The following FSHR variants were observed in gnomAD, a reference collection of about 807,000 sequenced individuals.
The protein encoded by FSHR is follicle-stimulating hormone receptor.
FSHR carries 46 observed loss-of-function variants against 52.1 expected under a neutral mutation model. The ratio of observed to expected loss-of-function variants is 0.88; its 90% CI spans 0.70 to 1.13. FSHR has a LOEUF of 1.13. FSHR is among the 50% of genes most tolerant of loss of function. The pLI is 0.00. For missense variants in FSHR, 964 were observed against 834.6 expected (o/e 1.16, Z -1.91); for synonymous variants, 399 against 309.6 (o/e 1.29, Z -3.03).
intron 9 of FSHR, among the ~76,000 whole-genome samples, chr2:48,967,886 G>T (rs1674548452): frequency 6.6e-6 from 1 of 152,186 alleles, no homozygotes; most frequent in Admixed American, 6.5e-5. Flanking sequence ...GTAATGAAAA[G>T]ACATCATTTG....
chr2:49,028,550 G>T (rs1420551450), intron 2 of FSHR, among the ~76,000 whole-genome samples: 1 of 152,232 alleles, frequency 6.6e-6, no homozygotes, highest in Non-Finnish European at 1.5e-5. Context: ...GCATGGAATA[G>T]ATTGCTAACT....
chr2:49,074,344 A>G lies in FSHR; in HGVS notation c.153-6054T>C, dbSNP rs182168851. Among the ~76,000 whole-genome samples, 251 of 152,242 alleles carry G rather than the reference A, an allele frequency of 1.6e-3. 2 individuals carry two copies. Among genetic ancestry groups the G allele is most frequent in the Admixed American group, 0.014 (214 of 15,284 alleles). On this transcript the variant is annotated intron_variant, in intron 1 of 9. Transcript: ENST00000406846. ...GCAAAAAAACAACAAATCACCACCA[A>G]CAAAAAAGTTGATTAAGAAAATAAG...
chr2:48,997,166 A>G (rs1676060095), intron 4 of FSHR: 24 of 950,274 alleles, frequency 2.5e-5, no homozygotes, highest in Non-Finnish European at 3.0e-5. Flanking sequence ...ATAACACCAA[A>G]CAGTTCACTT....
Position 48,989,273 on chromosome 2 carries a change from C to CTTTTTTTTTT in FSHR, c.447-229_447-220dup, listed in dbSNP as rs70946840. The stretch of plus-strand genomic sequence containing the variant: ...AAATGGAATTGCAGACATTCAGTGT[C>CTTTTTTTTTT]TTTTTTTTTTTTTTTTTTTTTTTTT... On this transcript the variant is annotated intron_variant, in intron 5 of 9. Transcript: ENST00000406846. Among the ~76,000 whole-genome samples, 5 of 120,810 alleles carry CTTTTTTTTTT rather than the reference C, an allele frequency of 4.1e-5. No individual in the cohort carries two copies. In the South Asian group the frequency reaches 1.1e-3, roughly 26 times the overall value. The allele number at this position is 120,810 out of a possible 152,430, so 79.3% of individuals were successfully genotyped here. A position where few individuals can be genotyped will look rare whatever the true frequency, so the allele number is the denominator to read the frequency against.
chr2:49,131,571 GTTTC>G (rs1672278878), intron 1 of FSHR, among the ~76,000 whole-genome samples: 1 of 152,042 alleles, frequency 6.6e-6, no homozygotes, highest in Non-Finnish European at 1.5e-5. Context: ...ACCACATTTT[GTTTC>G]TTTCTACCTA....
intron 1 of FSHR, among the ~76,000 whole-genome samples, chr2:49,090,070 C>T (rs1287765747): frequency 2.0e-5 from 3 of 152,084 alleles, no homozygotes; most frequent in African/African-American, 7.2e-5. Context: ...TTAGTTCTCA[C>T]TACAGTGAAA....
chr2:49,064,298 C>G (rs1669424673), intron 2 of FSHR, among the ~76,000 whole-genome samples: 1 of 152,042 alleles, frequency 6.6e-6, no homozygotes, highest in African/African-American at 2.4e-5. Flanking sequence ...AATCTCCACT[C>G]CAACATTGGG....
At chr2:49,090,053 C>T (rs1429643170) in intron 1 of FSHR, among the ~76,000 whole-genome samples, 1 of 152,124 alleles carries the variant, frequency 6.6e-6, no homozygotes. Context: ...ATCACATGAT[C>T]TTGCTTTTAG....
At chr2:48,983,010 A>C in intron 7 of FSHR, 24 bp from the exon 8 acceptor site, 1 of 1,612,284 alleles carries the variant, frequency 6.2e-7, no homozygotes, top group Non-Finnish European at 8.5e-7. Flanking sequence ...TGAGGAAAGA[A>C]GAAGGAAAAC....
intron 2 of FSHR, among the ~76,000 whole-genome samples, chr2:49,066,574 C>T (rs142864600): frequency 1.4e-4 from 22 of 152,112 alleles, no homozygotes; most frequent in African/African-American, 5.3e-4. Flanking sequence ...TGGTGTATCG[C>T]TGTGCCAGTT....
intron 2 of FSHR, among the ~76,000 whole-genome samples, chr2:49,053,622 A>G (rs1297618802): frequency 1.3e-5 from 2 of 152,238 alleles, no homozygotes; most frequent in African/African-American, 2.4e-5. Flanking sequence ...AGTGATGCAG[A>G]TAAAAGCTAA....
chr2:49,094,390 C>A (rs1021882727), intron 1 of FSHR, among the ~76,000 whole-genome samples: 1 of 152,166 alleles, frequency 6.6e-6, no homozygotes, highest in African/African-American at 2.4e-5. Flanking sequence ...AGTTTACTGT[C>A]TTTACGCAGA....
At chr2:49,114,345 A>C (rs6735454) in intron 1 of FSHR, among the ~76,000 whole-genome samples, 8,003 of 152,210 alleles carry the variant, frequency 0.053, 693 homozygotes, top group African/African-American at 0.18. Context: ...ATTCTAGACC[A>C]AAGCAATACT....
At position 49,048,434 on chromosome 2, in the gene FSHR, A is replaced by G. The variant is rs566921255; in HGVS notation, c.224+19785T>C. On this transcript the variant is annotated intron_variant, in intron 2 of 9. Coordinates refer to ENST00000406846, the MANE Select transcript of FSHR (RefSeq NM_000145.4). ...CTAGGTGCTTTCGAGGAATATGGGA[A>G]GAGGGAAAGGGCAGGATTAGTAGTC... Among the ~76,000 whole-genome samples the G allele has an allele frequency of 2.0e-5, 3 of 152,292 alleles. No homozygotes were observed. In the South Asian group the frequency reaches 6.2e-4, roughly 32 times the overall value.
intron 1 of FSHR, among the ~76,000 whole-genome samples, chr2:49,073,325 A>C (rs984155488): frequency 1.3e-5 from 2 of 152,108 alleles, no homozygotes; most frequent in African/African-American, 4.8e-5. Context: ...GACTCTACCA[A>C]CAAACTCTTA....
chr2:48,975,575 G>T (rs951982449), intron 8 of FSHR, among the ~76,000 whole-genome samples: 1 of 152,148 alleles, frequency 6.6e-6, no homozygotes, highest in African/African-American at 2.4e-5. Flanking sequence ...TGGTTCTCCA[G>T]CTTGCAGATA....
intron 1 of FSHR, among the ~76,000 whole-genome samples, chr2:49,144,523 G>A (rs1383955066): frequency 6.6e-6 from 1 of 152,146 alleles, no homozygotes; most frequent in Non-Finnish European, 1.5e-5. Context: ...CTGTTTGCAG[G>A]ATTCCAGATG....
chr2:49,122,980 T>C (rs777724295), intron 1 of FSHR, among the ~76,000 whole-genome samples: 2 of 152,164 alleles, frequency 1.3e-5, no homozygotes, highest in African/African-American at 2.4e-5. Context: ...AACTGTAGTG[T>C]TCCTCTTCCC....
intron 4 of FSHR, among the ~76,000 whole-genome samples, chr2:48,992,998 C>T (rs370759040): frequency 5.9e-5 from 9 of 151,916 alleles, no homozygotes; most frequent in African/African-American, 1.7e-4. Flanking sequence ...ATTTTTTTTC[C>T]GGACTCTCTT....
Sources: gnomAD v4.1 joint callset for allele counts (sites outside exome capture counted in the v4.1 genomes callset) on GRCh38, gnomAD v4.1.1 for gene constraint, MANE v1.5 for transcripts, NCBI Gene and HGNC (gene_info 2026-07-23, HGNC 2026-07-21) for gene names.